KCNN1: variants seen among roughly 807,000 people sequenced by gnomAD.
The protein encoded by KCNN1 is small conductance calcium-activated potassium channel protein 1.
In KCNN1, 20 loss-of-function variants were observed where a neutral mutation model predicts 44.7. The ratio of observed to expected loss-of-function variants is 0.45; its 90% CI spans 0.32 to 0.65. The LOEUF is 0.65. Among genes scored for constraint, KCNN1 ranks in the 30% least tolerant of loss-of-function variants. KCNN1 has a pLI of 0.05. For synonymous variants in KCNN1, 324 were observed against 341.7 expected, an observed-to-expected ratio of 0.95 and a Z score of 0.57; for missense variants, 632 against 785.3, an observed-to-expected ratio of 0.80 and a Z score of 2.33.
chr19:17,962,164 A>G (rs1436045113), upstream of KCNN1, among the ~76,000 whole-genome samples: 1 of 152,146 alleles, frequency 6.6e-6, no homozygotes, highest in African/African-American at 2.4e-5. Context: ...GTCTGAATGG[A>G]CAGGATGGGA....
intron 1 of KCNN1, among the ~76,000 whole-genome samples, chr19:17,951,761 G>A (rs1012801812): frequency 1.7e-4 from 26 of 152,184 alleles, no homozygotes; most frequent in African/African-American, 6.0e-4. Flanking sequence ...GAAGCCTCTG[G>A]GTCCCCCGAT....
chr19:17,995,727 A>G (rs1294520108), intron 9 of KCNN1, among the ~76,000 whole-genome samples: 1 of 151,766 alleles, frequency 6.6e-6, no homozygotes, highest in East Asian at 2.0e-4. Flanking sequence ...CTAGGATTAC[A>G]GGTGTATGCC....
In KCNN1 at chr19:17,993,597, G is replaced by A. The variant is rs752874363; in HGVS notation, c.1377+38G>A. 6.3e-7 allele frequency: 1 copy of A among 1,588,084 alleles called. No individual in the cohort carries two copies. Among genetic ancestry groups the A allele is most frequent in the Non-Finnish European group, 8.6e-7 (1 of 1,156,928 alleles). ...GGGCAGGGTGGGCCAGACAGGGCAG[G>A]TGGGGCCCCGGAGCAGATGGGATGG... On this transcript the variant is annotated intron_variant, in intron 9 of 9. Coordinates refer to ENST00000684775, the MANE Select transcript of KCNN1 (RefSeq NM_001386974.1). This position sits in a 1 kb window ranked among gnomAD's most constrained non-coding sequence, Gnocchi z 4.5.
intron 2 of KCNN1, among the ~76,000 whole-genome samples, chr19:17,956,291 G>T (rs1458958472): frequency 1.3e-5 from 2 of 152,206 alleles, no homozygotes; most frequent in Non-Finnish European, 2.9e-5. Context: ...GCCCATGGGG[G>T]TGTGGAGAAA....
In KCNN1 at chr19:17,973,960, C is replaced by A. The variant is rs2032115181; in HGVS notation, c.72C>A (p.Asp24Glu). The change falls in exon 2 of 10, where the codon GAC becomes GAA. Residue 24 changes from aspartate (D) to glutamate (E), a missense_variant. By Grantham distance (45) the Asp-to-Glu change is conservative. Transcript: ENST00000684775. ...GCGGGCCGGGCGCCCTGGGACGAGA[C>A]CCTCCGGACCCTGAGGCCGGCCACC... ...LGSGPGALGR[D>E]PPDPEAGHPP... 1 of 1,561,028 alleles carries A rather than the reference C, an allele frequency of 6.4e-7. No homozygotes were observed. The highest frequency in any genetic ancestry group is 1.2e-5 in the South Asian group (1 of 85,828).
chr19:17,993,004 A>G lies in KCNN1; in HGVS notation c.1299-50A>G. 6.2e-7 allele frequency: 1 copy of G among 1,611,116 alleles called. No individual in the cohort carries two copies. The highest frequency in any genetic ancestry group is 8.5e-7 in the Non-Finnish European group (1 of 1,178,576). On this transcript the variant is annotated intron_variant, in intron 7 of 9. Transcript: ENST00000684775. The surrounding 1 kb of genome is among the most constrained non-coding windows in gnomAD (Gnocchi z 4.5). ...GGGTACATGCCGAACAACTGTGCTG[A>G]GGTTAAAATTGCCTTGTGATTTTTC...
intron 3 of KCNN1, among the ~76,000 whole-genome samples, chr19:17,980,513 T>A (rs1380834876): frequency 2.0e-5 from 3 of 152,114 alleles, no homozygotes; most frequent in African/African-American, 7.2e-5. Context: ...TAACTCTATG[T>A]TGAACTTTTT....
chr19:17,965,467 A>G (rs941223626), upstream of KCNN1, among the ~76,000 whole-genome samples: 8 of 151,856 alleles, frequency 5.3e-5, no homozygotes, highest in Non-Finnish European at 8.8e-5. Flanking sequence ...GGTGGCTCCA[A>G]TGTTGTGCTT....
At chr19:17,995,525 T>A (rs1176704630) in intron 9 of KCNN1, among the ~76,000 whole-genome samples, 2 of 152,064 alleles carry the variant, frequency 1.3e-5, no homozygotes, top group Non-Finnish European at 2.9e-5. Context: ...GATATACAGT[T>A]AACTCTCGAA....
chr19:17,987,053 T>A (rs1016545044), intron 5 of KCNN1, among the ~76,000 whole-genome samples: 2 of 151,832 alleles, frequency 1.3e-5, no homozygotes, highest in African/African-American at 4.8e-5. Context: ...ATAATCCACC[T>A]GCCTCAGCCT....
intron 4 of KCNN1, among the ~76,000 whole-genome samples, 194 bp from the exon 5 acceptor site, chr19:17,985,118 G>C (rs2032552088): frequency 6.6e-6 from 1 of 152,114 alleles, no homozygotes; most frequent in African/African-American, 2.4e-5. Flanking sequence ...GCAGCTTGGG[G>C]GGGCAGGCAA....
At chr19:17,970,783 T>G (rs1157536675) in intron 1 of KCNN1, among the ~76,000 whole-genome samples, 1 of 152,112 alleles carries the variant, frequency 6.6e-6, no homozygotes. Context: ...AGACACATCG[T>G]GAGGGACAGA....
rs1239899591 is a variant in KCNN1 at position 17,985,372 on chromosome 19, CA to C, written c.979del (p.Thr327ProfsTer56). The C allele has an allele frequency of 6.2e-7, 1 of 1,611,814 alleles. No homozygotes were observed. Reference sequence around the variant, plus strand: ...TGGGGGCCATGTGGCTGATTTCCATCACCTTCCTCTCCATTGGCTACGGCGA... The same window carrying C: ...TGGGGGCCATGTGGCTGATTTCCATCCCTTCCTCTCCATTGGCTACGGCGA... Reference protein sequence around the residue: ...FLGAMWLISITFLSIGYGDMV... With the variant: ...FLGAMWLISIXFLSIGYGDMV... On this transcript the variant is annotated frameshift_variant, in exon 5 of 10. Transcript: ENST00000684775. LOFTEE classifies it high-confidence loss of function.
intron 3 of KCNN1, among the ~76,000 whole-genome samples, chr19:17,978,687 G>A (rs9989677): frequency 6.7e-6 from 1 of 150,298 alleles, no homozygotes; most frequent in Non-Finnish European, 1.5e-5. Context: ...TCCTGGGCTA[G>A]AGTGATCCTC....
rs2032880110 is a variant in KCNN1 at position 17,993,652 on chromosome 19, G to C, written c.1377+93G>C. 1 of 1,038,030 alleles carries C rather than the reference G, an allele frequency of 9.6e-7. No homozygotes were observed. The allele number at this position is 1,038,030 out of a possible 1,614,324, so 64.3% of individuals were successfully genotyped here. A position where few individuals can be genotyped will look rare whatever the true frequency, so the allele number is the denominator to read the frequency against. On this transcript the variant is annotated intron_variant, in intron 9 of 9. Transcript: ENST00000684775. This position sits in a 1 kb window ranked among gnomAD's most constrained non-coding sequence, Gnocchi z 4.5. ...CAGCTCCTGCCGGAGGAGGGCACAA[G>C]GACCCGCTGTGGGCTGAGTGCAGTG...
chr19:17,969,331 G>C (rs1326080202), intron 1 of KCNN1, among the ~76,000 whole-genome samples: 5 of 152,198 alleles, frequency 3.3e-5, no homozygotes, highest in African/African-American at 9.7e-5. Flanking sequence ...TTGGGCAAAA[G>C]GTGCTGAGCT....
rs2032672950 is a variant in KCNN1, at chr19:17,988,308, A to G, written c.1060-107A>G. The G allele has an allele frequency of 1.4e-5, 12 of 833,408 alleles. No homozygotes were observed. In the South Asian group the frequency reaches 1.8e-4, roughly 13 times the overall value. The allele number at this position is 833,408 out of a possible 1,614,324, so 51.6% of individuals were successfully genotyped here. ...TGAGCTCAGCAGATGGAATCCACTC[A>G]CACTGCTGGCTCAGAGAATGGGGAG... is the stretch of plus-strand genomic sequence containing the variant. On this transcript the variant is annotated intron_variant, in intron 5 of 9. Coordinates refer to ENST00000684775, the MANE Select transcript of KCNN1 (RefSeq NM_001386974.1).
At chr19:17,959,372 C>T (rs990808485) in intron 2 of KCNN1, among the ~76,000 whole-genome samples, 1 of 151,988 alleles carries the variant, frequency 6.6e-6, no homozygotes, top group Non-Finnish European at 1.5e-5. Flanking sequence ...GATTCTCTGC[C>T]TCAGGCTCCT....
At chr19:17,994,123 T>C (rs2032900398) in intron 9 of KCNN1, among the ~76,000 whole-genome samples, 1 of 152,012 alleles carries the variant, frequency 6.6e-6, no homozygotes, top group Non-Finnish European at 1.5e-5. Context: ...ATTAAACATC[T>C]GTCAGGAAAT....
Sources: allele counts gnomAD v4.1 joint callset (sites outside exome capture counted in the v4.1 genomes callset), GRCh38; gene constraint gnomAD v4.1.1; non-coding constraint Gnocchi (gnomAD v3.1); transcripts MANE v1.5; gene names NCBI Gene and HGNC (gene_info 2026-07-23, HGNC 2026-07-21).